PATJ: variants seen among roughly 807,000 people sequenced by gnomAD.
The protein encoded by PATJ is inaD-like protein.
In PATJ, 190 loss-of-function variants were observed where a neutral mutation model predicts 224.9. That is an observed-to-expected ratio of 0.84 (90% CI 0.75 to 0.95). The LOEUF is 0.95. PATJ is among the 40% of genes least tolerant of loss of function. The probability of loss-of-function intolerance (pLI) is 0.00; values close to 1 mark genes in which losing one functional copy is unlikely to be tolerated. For missense variants in PATJ, 2,121 were observed against 2,270.3 expected (o/e 0.93, Z 1.34); for synonymous variants, 769 against 820.3 (o/e 0.94, Z 1.07).
At chr1:61,981,688 TGG>T (rs1644458013) in intron 27 of PATJ, among the ~76,000 whole-genome samples, 1 of 151,214 alleles carries the variant, frequency 6.6e-6, no homozygotes. Context: ...TTTTTTTTTT[TGG>T]AGACGGAGTC....
At chr1:62,078,010 T>A (rs2148720458) in intron 31 of PATJ, among the ~76,000 whole-genome samples, 1 of 152,336 alleles carries the variant, frequency 6.6e-6, no homozygotes, top group Admixed American at 6.5e-5. Flanking sequence ...TGGTATTGTT[T>A]TGTTGTTACT....
chr1:61,837,538 C>G (rs376894778), intron 17 of PATJ, among the ~76,000 whole-genome samples: 5 of 152,072 alleles, frequency 3.3e-5, no homozygotes, highest in African/African-American at 1.2e-4. Context: ...CCTGTAATCC[C>G]AGCACTTTGG....
chr1:61,923,007 T>C (rs995791619), intron 26 of PATJ, among the ~76,000 whole-genome samples: 5 of 152,220 alleles, frequency 3.3e-5, no homozygotes, highest in African/African-American at 1.2e-4. Context: ...AAAAAGTAAA[T>C]GTGTGATTCT....
At chr1:61,836,204 A>G (rs1168872609) in intron 17 of PATJ, among the ~76,000 whole-genome samples, 1 of 152,148 alleles carries the variant, frequency 6.6e-6, no homozygotes, top group Admixed American at 6.5e-5. Context: ...TTTGTTCTTC[A>G]TTGCATTCCT....
intron 31 of PATJ, chr1:62,054,204 A>G (rs12066543): frequency 0.21 from 39,564 of 188,240 alleles, 5,708 homozygotes; most frequent in African/African-American, 0.42. Flanking sequence ...AAAAAAAAAA[A>G]AAGAAGAAAT....
chr1:62,153,537 C>A (rs1259200598), intron 43 of PATJ, 56 bp downstream of exon 43: 1 of 1,113,822 alleles, frequency 9.0e-7, no homozygotes, highest in South Asian at 4.6e-5. Flanking sequence ...GGTGAGATTT[C>A]TTTTAAGTGC....
intron 26 of PATJ, among the ~76,000 whole-genome samples, chr1:61,925,631 G>C (rs570444557): frequency 2.6e-4 from 40 of 152,256 alleles, no homozygotes; most frequent in Non-Finnish European, 4.3e-4. Context: ...AATTTAATTG[G>C]TTCTGGTAGG....
At position 61,954,134 on chromosome 1, in the gene PATJ, A is replaced by G. The variant is rs564689642; in HGVS notation, c.3670+26305A>G. Among the ~76,000 whole-genome samples, 4 of 152,354 alleles carry G rather than the reference A, an allele frequency of 2.6e-5. No individual in the cohort carries two copies. The South Asian group carries it at 6.2e-4, about 24-fold the overall frequency. ...TGTTCATGATCAGGATTGATTTTCT[A>G]TAATCAGTATTTTCAACATTTATTA... is the stretch of plus-strand genomic sequence containing the variant. On this transcript the variant is annotated intron_variant, in intron 27 of 43. Transcript: ENST00000642238.
In PATJ at chr1:62,136,015, A is replaced by ATTTTTTTTTT. The variant is rs374594803; in HGVS notation, c.5271+7090_5271+7099dup. Among the ~76,000 whole-genome samples the ATTTTTTTTTT allele has an allele frequency of 1.3e-4, 8 of 63,902 alleles. 2 individuals are homozygous for ATTTTTTTTTT. Among genetic ancestry groups the ATTTTTTTTTT allele is most frequent in the Non-Finnish European group, 1.9e-4 (7 of 36,442 alleles). The allele number at this position is 63,902 out of a possible 152,430, so 41.9% of individuals were successfully genotyped here. A position where few individuals can be genotyped will look rare whatever the true frequency, so the allele number is the denominator to read the frequency against. On this transcript the variant is annotated intron_variant, in intron 41 of 43. Coordinates refer to ENST00000642238, the MANE Select transcript of PATJ (RefSeq NM_001350145.3). ...GCTTCACACTTCTTCAGACCATTAG[A>ATTTTTTTTTT]TTTTTTTTTTTTTTTTTTTTTTTTT...
At chr1:62,035,362 C>G (rs1175303962) in intron 29 of PATJ, among the ~76,000 whole-genome samples, 2 of 152,174 alleles carry the variant, frequency 1.3e-5, no homozygotes, top group African/African-American at 4.8e-5. Context: ...AAGCATAGAG[C>G]TTGAAATGGC....
At chr1:61,921,926 T>C (rs2482863) in intron 26 of PATJ, among the ~76,000 whole-genome samples, 135,736 of 152,234 alleles carry the variant, frequency 0.89, 60,764 homozygotes, top group African/African-American at 0.97. Flanking sequence ...TCAATTATAC[T>C]TCAATATATT....
intron 14 of PATJ, among the ~76,000 whole-genome samples, chr1:61,812,431 A>AGTGTGTGTGTGTGTGT (rs1315887673): frequency 1.8e-5 from 2 of 109,040 alleles, no homozygotes; most frequent in Admixed American, 9.3e-5. Flanking sequence ...AGAGAGAGAG[A>AGTGTGTGTGTGTGTGT]GAGTGTGTGT....
chr1:62,125,264 C>CAAAAAA (rs1284483252), intron 39 of PATJ, among the ~76,000 whole-genome samples: 3 of 64,198 alleles, frequency 4.7e-5, no homozygotes, highest in Non-Finnish European at 6.4e-5. Context: ...CAAAAAAAAA[C>CAAAAAA]AAAAAAAAAA....
chr1:62,115,840 T>C (rs1424401904), intron 35 of PATJ, among the ~76,000 whole-genome samples: 1 of 151,866 alleles, frequency 6.6e-6, no homozygotes, highest in Admixed American at 6.6e-5. Flanking sequence ...TGAGTACTGA[T>C]TTTGGGCCAA....
At chr1:62,056,518 A>T (rs1654566554) in intron 31 of PATJ, among the ~76,000 whole-genome samples, 1 of 151,832 alleles carries the variant, frequency 6.6e-6, no homozygotes, top group South Asian at 2.1e-4. Flanking sequence ...ACAGAGTAAG[A>T]CCTTATCTCA....
intron 17 of PATJ, among the ~76,000 whole-genome samples, chr1:61,834,946 C>G (rs2148801453): frequency 6.6e-6 from 1 of 152,226 alleles, no homozygotes; most frequent in African/African-American, 2.4e-5. Flanking sequence ...CCAGGCTGGT[C>G]TCGAACTCCT....
Position 62,018,183 on chromosome 1 carries a change from G to A in PATJ, c.3959+236G>A, listed in dbSNP as rs1235100021. Among the ~76,000 whole-genome samples, 1 of 152,140 alleles carries A rather than the reference G, an allele frequency of 6.6e-6. No individual in the cohort carries two copies. Among genetic ancestry groups the A allele is most frequent in the Non-Finnish European group, 1.5e-5 (1 of 68,026 alleles). ...AGCTGAGGCTAGTATTTATATTTCA[G>A]TTATAAAACATTCTTCCCTTTCTGG... On this transcript the variant is annotated intron_variant, in intron 29 of 43. Transcript: ENST00000642238. This position sits in a 1 kb window ranked among gnomAD's most constrained non-coding sequence, Gnocchi z 4.2.
At chr1:61,916,210 CA>C (rs1406998129) in intron 26 of PATJ, among the ~76,000 whole-genome samples, 8 of 151,396 alleles carry the variant, frequency 5.3e-5, no homozygotes, top group East Asian at 1.9e-4. Flanking sequence ...AATGGTGAAA[CA>C]AAAAAATAAA....
intron 1 of PATJ, among the ~76,000 whole-genome samples, chr1:61,758,124 C>G (rs1645753703): frequency 6.6e-6 from 1 of 152,172 alleles, no homozygotes; most frequent in Non-Finnish European, 1.5e-5. Flanking sequence ...AATGTGAAAT[C>G]TTACCCAACT....
Sources: allele counts gnomAD v4.1 joint callset (sites outside exome capture counted in the v4.1 genomes callset), GRCh38; gene constraint gnomAD v4.1.1; non-coding constraint Gnocchi (gnomAD v3.1); transcripts MANE v1.5; gene names NCBI Gene and HGNC (gene_info 2026-07-23, HGNC 2026-07-21).